The following ADAMTS6 variants were observed in gnomAD, a reference collection of about 807,000 sequenced individuals.
ADAMTS6 encodes the protein A disintegrin and metalloproteinase with thrombospondin motifs 6.
A neutral mutation model predicts 144.3 loss-of-function variants in ADAMTS6; 23 were observed. That is an observed-to-expected ratio of 0.16 (90% CI 0.11 to 0.23). The LOEUF is 0.23. Ranked by LOEUF, ADAMTS6 falls within the 10% of genes least tolerant of loss-of-function variation. The pLI, the probability that ADAMTS6 is intolerant of heterozygous loss-of-function variation, is 1.00. For synonymous variants in ADAMTS6, 444 were observed against 457.5 expected (o/e 0.97, Z 0.38); for missense variants, 999 against 1,379.6 (o/e 0.72, Z 4.37).
intron 24 of ADAMTS6, among the ~76,000 whole-genome samples, chr5:65,165,793 T>A (rs1753103405): frequency 8.1e-5 from 8 of 99,010 alleles, no homozygotes; most frequent in South Asian, 3.7e-4. Context: ...GCTTCATAAG[T>A]GAAGGAGAAA....
Position 65,440,206 on chromosome 5 carries a change from A to G in ADAMTS6, c.1073+11269T>C, listed in dbSNP as rs143799057. Among the ~76,000 whole-genome samples, 294 of 152,360 alleles carry G rather than the reference A, an allele frequency of 1.9e-3. 1 individual carries two copies. Among genetic ancestry groups the G allele is most frequent in the African/African-American group, 5.6e-3 (234 of 41,592 alleles). On this transcript the variant is annotated intron_variant, in intron 7 of 24. Coordinates refer to ENST00000381055, the MANE Select transcript of ADAMTS6 (RefSeq NM_197941.4). The stretch of plus-strand genomic sequence containing the variant: ...CTCAAAAGTAAGACAGAAATATTAA[A>G]ATGTTTGCCTGGGACTTCTGCTTCC...
rs190923156 is a variant in ADAMTS6, at chr5:65,196,961, T to C, written c.2705+61A>G. The C allele has an allele frequency of 1.8e-4, 276 of 1,561,838 alleles. 1 individual carries two copies. The East Asian group carries it at 5.8e-3, about 33-fold the overall frequency. The stretch of plus-strand genomic sequence containing the variant: ...ATATAAATATATTTCCAAACATGAA[T>C]ACATAATGTTTTTCTCTTTGCACCT... On this transcript the variant is annotated intron_variant, in intron 21 of 24. Coordinates refer to ENST00000381055, the MANE Select transcript of ADAMTS6 (RefSeq NM_197941.4).
At chr5:65,237,725 A>G (rs1425935541) in intron 15 of ADAMTS6, among the ~76,000 whole-genome samples, 2 of 152,206 alleles carry the variant, frequency 1.3e-5, no homozygotes, top group East Asian at 3.8e-4. Context: ...AACATTATCA[A>G]TTAAGTTAAA....
intron 24 of ADAMTS6, among the ~76,000 whole-genome samples, chr5:65,168,339 A>G (rs1196990488): frequency 6.6e-6 from 1 of 152,050 alleles, no homozygotes; most frequent in Non-Finnish European, 1.5e-5. Context: ...GATGTGAAGG[A>G]CCTCTTCAAG....
At chr5:65,290,721 G>T (rs912654742) in intron 11 of ADAMTS6, among the ~76,000 whole-genome samples, 2 of 152,018 alleles carry the variant, frequency 1.3e-5, no homozygotes, top group Admixed American at 1.3e-4. Context: ...AACTTAAAAA[G>T]AATTTTATTC....
chr5:65,288,345 C>T (rs1396632387), intron 11 of ADAMTS6, among the ~76,000 whole-genome samples: 2 of 149,092 alleles, frequency 1.3e-5, no homozygotes, highest in Non-Finnish European at 3.0e-5. Flanking sequence ...GATGGAGTCT[C>T]CCTCTGTAGC....
chr5:65,443,013 T>C (rs759698481), intron 7 of ADAMTS6, among the ~76,000 whole-genome samples: 1 of 152,210 alleles, frequency 6.6e-6, no homozygotes, highest in Non-Finnish European at 1.5e-5. Context: ...ATAATCTCGT[T>C]CCTTTTTATG....
chr5:65,332,330 G>GAC (rs1301021661), intron 8 of ADAMTS6, among the ~76,000 whole-genome samples: 61 of 148,926 alleles, frequency 4.1e-4, no homozygotes, highest in African/African-American at 1.4e-3. Flanking sequence ...GAGAGAGAGA[G>GAC]AGAGAGAGAG....
chr5:65,461,786 T>C (rs1167859843), intron 3 of ADAMTS6, among the ~76,000 whole-genome samples: 1 of 152,194 alleles, frequency 6.6e-6, no homozygotes, highest in Non-Finnish European at 1.5e-5. Flanking sequence ...ATATATTAAG[T>C]TTCCACATAA....
At chr5:65,280,586 T>A (rs900649109) in intron 11 of ADAMTS6, among the ~76,000 whole-genome samples, 5 of 152,312 alleles carry the variant, frequency 3.3e-5, no homozygotes, top group African/African-American at 1.2e-4. Flanking sequence ...CATTCACACA[T>A]GAAAAAAACA....
At chr5:65,273,997 TAAC>T (rs1762257311) in intron 11 of ADAMTS6, among the ~76,000 whole-genome samples, 1 of 152,182 alleles carries the variant, frequency 6.6e-6, no homozygotes, top group Non-Finnish European at 1.5e-5. Flanking sequence ...AGGCACAATC[TAAC>T]AACGTTATTT....
intron 7 of ADAMTS6, among the ~76,000 whole-genome samples, chr5:65,398,850 A>AAG (rs1561502083): frequency 1.5e-4 from 20 of 133,820 alleles, no homozygotes; most frequent in South Asian, 9.3e-4. Context: ...GAAAGAAAGA[A>AAG]AAAGAAAGAG....
intron 1 of ADAMTS6, among the ~76,000 whole-genome samples, chr5:65,477,476 T>C (rs1418810424): frequency 6.6e-6 from 1 of 152,322 alleles, no homozygotes; most frequent in African/African-American, 2.4e-5. Flanking sequence ...TGTCCTGCTC[T>C]TTTTGTAAAT....
intron 9 of ADAMTS6, among the ~76,000 whole-genome samples, chr5:65,306,695 C>T (rs1388726926): frequency 6.6e-6 from 1 of 152,090 alleles, no homozygotes; most frequent in Non-Finnish European, 1.5e-5. Flanking sequence ...CTATCTGCAC[C>T]ACATCTTCAC....
At chr5:65,294,001 G>T (rs1257365017) in intron 10 of ADAMTS6, among the ~76,000 whole-genome samples, 1 of 152,142 alleles carries the variant, frequency 6.6e-6, no homozygotes, top group African/African-American at 2.4e-5. Flanking sequence ...TTTTGAAATG[G>T]ATTTGGCTAT....
intron 7 of ADAMTS6, among the ~76,000 whole-genome samples, chr5:65,336,367 G>A (rs1747309748): frequency 6.6e-6 from 1 of 152,066 alleles, no homozygotes; most frequent in African/African-American, 2.4e-5. Flanking sequence ...TGTTAAAAAT[G>A]TGTTTTTCAT....
intron 7 of ADAMTS6, among the ~76,000 whole-genome samples, chr5:65,403,280 C>A (rs1431364443): frequency 6.6e-6 from 1 of 152,096 alleles, no homozygotes; most frequent in African/African-American, 2.4e-5. Flanking sequence ...CAGACTCCAC[C>A]TTTGAAACAC....
chr5:65,179,220 A>T (rs111294603), intron 22 of ADAMTS6, among the ~76,000 whole-genome samples: 4,137 of 152,258 alleles, frequency 0.027, 179 homozygotes, highest in African/African-American at 0.096. Context: ...CTGAGGTAGG[A>T]CAAAAAGTTG....
intron 24 of ADAMTS6, among the ~76,000 whole-genome samples, chr5:65,154,568 G>T (rs966052292): frequency 6.6e-6 from 1 of 152,178 alleles, no homozygotes; most frequent in Non-Finnish European, 1.5e-5. Flanking sequence ...AGGTGGGCCT[G>T]GGGGTGAATT....
Sources: gnomAD v4.1 joint callset for allele counts (sites outside exome capture counted in the v4.1 genomes callset) on GRCh38, gnomAD v4.1.1 for gene constraint, MANE v1.5 for transcripts, NCBI Gene and HGNC (gene_info 2026-07-23, HGNC 2026-07-21) for gene names.